UTY: variants seen among roughly 807,000 people sequenced by gnomAD.
UTY encodes histone demethylase UTY.
A neutral mutation model predicts 32.5 loss-of-function variants in UTY; 12 were observed. That is an observed-to-expected ratio of 0.37 (90% CI 0.24 to 0.60). The LOEUF is 0.60. Among genes scored for constraint, UTY ranks in the 20% least tolerant of loss-of-function variants. The pLI is 0.69. For missense variants in UTY, 303 were observed against 299.2 expected, an observed-to-expected ratio of 1.01 and a Z score of -0.09; for synonymous variants, 131 against 103.4, an observed-to-expected ratio of 1.27 and a Z score of -1.62.
At chrY:13,278,983 G>T (rs2056845457) in intron 27 of UTY, among the ~76,000 whole-genome samples, 7 of 34,078 alleles carry the variant, frequency 2.1e-4, no homozygotes, top group Non-Finnish European at 2.9e-4. Context: ...AGTCCCTGTG[G>T]TGATGGCCAC....
At chrY:13,390,898 C>T (rs1603448955) in intron 8 of UTY, among the ~76,000 whole-genome samples, 1 of 33,431 alleles carries the variant, frequency 3.0e-5, no homozygotes, top group African/African-American at 1.2e-4. Context: ...CTTTCATTCA[C>T]GGGTTAAAAA....
At chrY:13,392,856 TTC>T (rs2067721493) in intron 8 of UTY, among the ~76,000 whole-genome samples, 3 of 32,919 alleles carry the variant, frequency 9.1e-5, no homozygotes, top group African/African-American at 2.4e-4. Flanking sequence ...CACCATGAAA[TTC>T]TGTTTGTTTT....
intron 21 of UTY, chrY:13,323,107 TA>T: frequency 4.4e-6 from 1 of 228,892 alleles, no homozygotes; most frequent in Non-Finnish European, 5.3e-6. Context: ...CTTACATTTT[TA>T]AAAGTTTACC....
chrY:13,473,454 T>C, intron 2 of UTY, among the ~76,000 whole-genome samples: 2 of 33,883 alleles, frequency 5.9e-5, no homozygotes, highest in African/African-American at 2.3e-4. Flanking sequence ...AAGTATTGTT[T>C]CACGCAGGAA....
chrY:13,479,553 A>G lies in UTY; in HGVS notation c.113T>C (p.Leu38Pro). The change falls in exon 1 of 30, where the codon CTG becomes CCG. Residue 38 changes from leucine to proline, a missense_variant. By Grantham distance (98) the Leu-to-Pro change is moderately conservative. Coordinates refer to ENST00000545955, the MANE Select transcript of UTY (RefSeq NM_001258249.2). ...AAGCGCCTCCCTTTCCTCGACTGTC[A>G]GGCTAACAGACTCCTCTTCACTCTC... Reference protein sequence around the residue: ...SRESEEESVSLTVEEREALGG... With the variant: ...SRESEEESVSPTVEEREALGG... 1 of 398,532 alleles carries G rather than the reference A, an allele frequency of 2.5e-6. No homozygotes were observed.
intron 27 of UTY, chrY:13,287,449 T>C: frequency 4.5e-6 from 1 of 222,848 alleles, no homozygotes; most frequent in East Asian, 1.0e-4. Flanking sequence ...ACAAATATCA[T>C]GGAGGTCCCT....
intron 28 of UTY, among the ~76,000 whole-genome samples, chrY:13,253,554 C>G: frequency 3.0e-5 from 1 of 33,043 alleles, no homozygotes; most frequent in African/African-American, 1.2e-4. Flanking sequence ...CCTAGATCAA[C>G]AGGGAAATAT....
At chrY:13,308,937 C>G in intron 21 of UTY, among the ~76,000 whole-genome samples, 1 of 32,614 alleles carries the variant, frequency 3.1e-5, no homozygotes, top group Admixed American at 2.8e-4. Flanking sequence ...AGAAACCAGT[C>G]AAAAAGACAT....
intron 8 of UTY, among the ~76,000 whole-genome samples, chrY:13,377,434 T>C (rs372410339): frequency 0.039 from 1,303 of 33,696 alleles, no homozygotes; most frequent in Middle Eastern, 0.28. Context: ...CTGAGCAGGC[T>C]GGATGTGGTG....
intron 18 of UTY, among the ~76,000 whole-genome samples, chrY:13,328,842 T>C (rs2060443739): frequency 3.0e-5 from 1 of 33,339 alleles, no homozygotes; most frequent in Non-Finnish European, 7.4e-5. Flanking sequence ...AAAATAACTC[T>C]TTAAGAACGC....
chrY:13,341,349 G>C, intron 17 of UTY, among the ~76,000 whole-genome samples: 1 of 32,612 alleles, frequency 3.1e-5, no homozygotes, highest in Non-Finnish European at 7.5e-5. Flanking sequence ...GGTGGTCTTA[G>C]TTGGAGGAGA....
intron 21 of UTY, among the ~76,000 whole-genome samples, chrY:13,315,551 T>C: frequency 3.0e-5 from 1 of 33,759 alleles, no homozygotes; most frequent in Non-Finnish European, 7.4e-5. Flanking sequence ...GAGGTTGCAG[T>C]GAGCTGAGAT....
At chrY:13,246,906 A>G, downstream of UTY, among the ~76,000 whole-genome samples, 1 of 29,607 alleles carries the variant, frequency 3.4e-5, no homozygotes, top group Non-Finnish European at 8.1e-5. Flanking sequence ...AAAAAAAAAA[A>G]AGCAGAAGCC....
At chrY:13,430,450 C>T (rs2073883255) in intron 4 of UTY, among the ~76,000 whole-genome samples, 2 of 33,441 alleles carry the variant, frequency 6.0e-5, no homozygotes, top group Non-Finnish European at 1.5e-4. Flanking sequence ...AGGTTGTGTA[C>T]CTTGAGGGAT....
chrY:13,355,414 A>T lies in UTY; in HGVS notation c.1666-16T>A. On this transcript the variant is annotated splice_polypyrimidine_tract_variant and intron_variant, in intron 16 of 29. Coordinates refer to ENST00000545955, the MANE Select transcript of UTY (RefSeq NM_001258249.2). ...TGTGTCTCATCTTCAAAAACAAAAAAGAAAAACTGCTGTGTAACTTTGAAA... is the reference window on the plus strand; with the variant it reads ...TGTGTCTCATCTTCAAAAACAAAAATGAAAAACTGCTGTGTAACTTTGAAA... The T allele has an allele frequency of 2.5e-6, 1 of 396,596 alleles. No homozygotes were observed. Among genetic ancestry groups the T allele is most frequent in the Non-Finnish European group, 3.5e-6 (1 of 282,134 alleles).
chrY:13,409,173 T>C (rs2070520019), intron 6 of UTY, among the ~76,000 whole-genome samples: 1 of 33,929 alleles, frequency 2.9e-5, no homozygotes, highest in Non-Finnish European at 7.4e-5. Context: ...GCTGTACTTA[T>C]TTTCAATTTC....
rs1603483693 is a variant in UTY at position 13,476,356 on chromosome Y, C to G, written c.216+2898G>C. 2.7e-4 allele frequency among the ~76,000 whole-genome samples: 9 copies of G among 33,628 alleles called. No homozygotes were observed. In the East Asian group the frequency reaches 6.9e-3, roughly 26 times the overall value. 90.2% of individuals were successfully genotyped at this position (33,628 alleles called of 37,273 possible). On this transcript the variant is annotated intron_variant, in intron 2 of 29. Coordinates refer to ENST00000545955, the MANE Select transcript of UTY (RefSeq NM_001258249.2). ...TTAACTCAAAACACTATTTTTACAA[C>G]TGGAAATGAAGTTCTACAGGTTACA...
chrY:13,275,485 C>T (rs2148559151), intron 27 of UTY, among the ~76,000 whole-genome samples: 1 of 33,649 alleles, frequency 3.0e-5, no homozygotes, highest in African/African-American at 1.2e-4. Flanking sequence ...TTTACTTAAA[C>T]ATTCTTTGAA....
At chrY:13,399,465 G>A in intron 6 of UTY, among the ~76,000 whole-genome samples, 1 of 33,103 alleles carries the variant, frequency 3.0e-5, no homozygotes, top group African/African-American at 1.2e-4. Flanking sequence ...AAAACAAAGA[G>A]TGGTAATGGT....
Sources: allele counts gnomAD v4.1 joint callset (sites outside exome capture counted in the v4.1 genomes callset), GRCh38; gene constraint gnomAD v4.1.1; transcripts MANE v1.5; gene names NCBI Gene and HGNC (gene_info 2026-07-23, HGNC 2026-07-21).